The following RAB7A variants were observed in gnomAD, a reference collection of about 807,000 sequenced individuals.
The protein encoded by RAB7A is ras-related protein Rab-7a.
In RAB7A, 2 loss-of-function variants were observed where a neutral mutation model predicts 24.5. The observed-to-expected ratio is 0.08, with a 90% confidence interval of 0.03 to 0.26. The LOEUF (loss-of-function observed/expected upper bound fraction) is 0.26. RAB7A is among the 10% of genes least tolerant of loss of function. RAB7A has a pLI of 1.00. For synonymous variants in RAB7A, 100 were observed against 95.9 expected, an observed-to-expected ratio of 1.04 and a Z score of -0.25; for missense variants, 118 against 255.7, an observed-to-expected ratio of 0.46 and a Z score of 3.67.
intron 1 of RAB7A, among the ~76,000 whole-genome samples, chr3:128,771,526 T>C (rs1024006823): frequency 6.6e-6 from 1 of 152,230 alleles, no homozygotes; most frequent in African/African-American, 2.4e-5. Flanking sequence ...TTATTGGTAA[T>C]GTACCAGGCA....
At chr3:128,733,600 T>A (rs1447265918) in intron 1 of RAB7A, among the ~76,000 whole-genome samples, 1 of 152,176 alleles carries the variant, frequency 6.6e-6, no homozygotes, top group Non-Finnish European at 1.5e-5. Flanking sequence ...CTCTCCTTGG[T>A]TTGTAAATGA....
At chr3:128,774,791 C>G (rs1933039480) in intron 1 of RAB7A, among the ~76,000 whole-genome samples, 1 of 152,142 alleles carries the variant, frequency 6.6e-6, no homozygotes, top group South Asian at 2.1e-4. Flanking sequence ...CCAGGATGGT[C>G]TCGATCTCCT....
At chr3:128,755,255 G>T (rs1290091681) in intron 1 of RAB7A, among the ~76,000 whole-genome samples, 7 of 152,038 alleles carry the variant, frequency 4.6e-5, no homozygotes, top group African/African-American at 1.5e-4. Flanking sequence ...AGAACCAGTG[G>T]TCAAAGGAGA....
intron 1 of RAB7A, among the ~76,000 whole-genome samples, chr3:128,779,936 T>C (rs1448473684): frequency 6.6e-6 from 1 of 152,056 alleles, no homozygotes; most frequent in Non-Finnish European, 1.5e-5. Context: ...CCTAGGGAGT[T>C]TGGGGCTGGG....
intron 1 of RAB7A, among the ~76,000 whole-genome samples, chr3:128,746,386 C>T (rs1435916367): frequency 6.6e-6 from 1 of 152,294 alleles, no homozygotes; most frequent in East Asian, 1.9e-4. Context: ...GATCCTTCTG[C>T]CTCAGCCTCT....
At chr3:128,798,170 T>C (rs878961713) in intron 3 of RAB7A, 101 bp downstream of exon 3, 2 of 1,457,074 alleles carry the variant, frequency 1.4e-6, no homozygotes, top group South Asian at 2.3e-5. Flanking sequence ...CTTCAAATCT[T>C]ATTATCTTAT....
intron 3 of RAB7A, among the ~76,000 whole-genome samples, chr3:128,799,649 C>A (rs1239345298): frequency 2.6e-5 from 4 of 152,176 alleles, no homozygotes; most frequent in Non-Finnish European, 1.5e-5. Context: ...TACACACATA[C>A]ACCTAGAGAT....
intron 5 of RAB7A, among the ~76,000 whole-genome samples, chr3:128,808,033 G>A (rs374659304): frequency 2.0e-5 from 3 of 152,180 alleles, no homozygotes; most frequent in Middle Eastern, 3.4e-3. Context: ...GCTCTGCTGC[G>A]TACCAATCGT....
Position 128,797,935 on chromosome 3 carries a change from A to C in RAB7A, c.54-8A>C. ...TGACTTATACTTATGGTTTTTCTCC[A>C]ATTTCAGAGTCGGGAAGACATCACT... On this transcript the variant is annotated splice_region_variant and splice_polypyrimidine_tract_variant and intron_variant, in intron 2 of 5. Transcript: ENST00000265062. 6.2e-7 allele frequency: 1 copy of C among 1,613,436 alleles called. No individual in the cohort carries two copies. Among genetic ancestry groups the C allele is most frequent in the Non-Finnish European group, 8.5e-7 (1 of 1,179,492 alleles).
At chr3:128,733,476 G>A (rs1211406155) in intron 1 of RAB7A, among the ~76,000 whole-genome samples, 1 of 152,078 alleles carries the variant, frequency 6.6e-6, no homozygotes, top group East Asian at 1.9e-4. Context: ...CATTTGCTAG[G>A]GCTGCCGTAA....
chr3:128,808,285 A>C (rs541565638), intron 5 of RAB7A, among the ~76,000 whole-genome samples: 157 of 152,202 alleles, frequency 1.0e-3, no homozygotes, highest in Admixed American at 2.9e-3. Flanking sequence ...GCTTGAACCC[A>C]GGCGGCAGAG....
At chr3:128,792,502 A>AT in intron 1 of RAB7A, among the ~76,000 whole-genome samples, 1 of 142,752 alleles carries the variant, frequency 7.0e-6, no homozygotes, top group South Asian at 2.3e-4. Context: ...TGCCTCCTGG[A>AT]TTTAATCGAT....
At chr3:128,734,977 A>G (rs1016859883) in intron 1 of RAB7A, among the ~76,000 whole-genome samples, 1 of 152,192 alleles carries the variant, frequency 6.6e-6, no homozygotes, top group African/African-American at 2.4e-5. Flanking sequence ...TTTCAGAGTA[A>G]GTTACCGTTT....
intron 2 of RAB7A, among the ~76,000 whole-genome samples, chr3:128,797,031 G>GCT (rs1300956657): frequency 1.3e-5 from 2 of 152,106 alleles, no homozygotes; most frequent in Non-Finnish European, 2.9e-5. Context: ...CTAGATTTGT[G>GCT]CTCTCTCTCC....
rs188254206 is a variant in RAB7A at position 128,746,508 on chromosome 3, T to A, written c.-9+20149T>A. 3.9e-4 allele frequency among the ~76,000 whole-genome samples: 59 copies of A among 151,988 alleles called. 1 individual carries two copies. The highest frequency in any genetic ancestry group is 9.8e-4 in the Admixed American group (15 of 15,282). On this transcript the variant is annotated intron_variant, in intron 1 of 5. Coordinates refer to ENST00000265062, the MANE Select transcript of RAB7A (RefSeq NM_004637.6). ...TGGGGTTCAACATTTTTATTTATTT[T>A]TTTTATTTTTTTATTTTTTATTTTT... is the stretch of plus-strand genomic sequence containing the variant.
chr3:128,767,039 G>A (rs2070838698), intron 1 of RAB7A, among the ~76,000 whole-genome samples: 1 of 152,000 alleles, frequency 6.6e-6, no homozygotes, highest in Non-Finnish European at 1.5e-5. Context: ...CATCACTGGG[G>A]TCTGATTTGC....
In RAB7A at chr3:128,814,599, A is replaced by G. The variant is rs144914469; in HGVS notation, c.*1177A>G. On this transcript the variant is annotated 3_prime_UTR_variant, in exon 6 of 6. Coordinates refer to ENST00000265062, the MANE Select transcript of RAB7A (RefSeq NM_004637.6). The stretch of plus-strand genomic sequence containing the variant: ...CCTCTTTTCCCCACCCATCTCCCCA[A>G]TATTGCCCATTATTAATTAACCTCT... 2.0e-5 allele frequency: 3 copies of G among 152,624 alleles called. No homozygotes were observed. The highest frequency in any genetic ancestry group is 4.8e-5 in the African/African-American group (2 of 41,532). 9.5% of individuals were successfully genotyped at this position (152,624 alleles called of 1,614,324 possible).
chr3:128,757,956 G>C (rs139142268), intron 1 of RAB7A, among the ~76,000 whole-genome samples: 1 of 151,822 alleles, frequency 6.6e-6, no homozygotes, highest in Non-Finnish European at 1.5e-5. Context: ...ACTGCGCCCA[G>C]CCTATTTTAT....
In RAB7A at chr3:128,813,377, C is replaced by G; in HGVS notation, c.579C>G (p.Asp193Glu). The change falls in exon 6 of 6, where the codon GAC becomes GAG. Residue 193 changes from aspartate (D) to glutamate (E), a missense_variant. Coordinates refer to ENST00000265062, the MANE Select transcript of RAB7A (RefSeq NM_004637.6). ...AATTTCCTGAACCTATCAAACTGGA[C>G]AAGAATGACCGGGCCAAGGCCTCGG... is the stretch of plus-strand genomic sequence containing the variant. ...YNEFPEPIKL[D>E]KNDRAKASAE... 1 of 1,614,202 alleles carries G rather than the reference C, an allele frequency of 6.2e-7. No homozygotes were observed. Among genetic ancestry groups the G allele is most frequent in the South Asian group, 1.1e-5 (1 of 91,090 alleles).
Sources: allele counts gnomAD v4.1 joint callset (sites outside exome capture counted in the v4.1 genomes callset), GRCh38; gene constraint gnomAD v4.1.1; transcripts MANE v1.5; gene names NCBI Gene and HGNC (gene_info 2026-07-23, HGNC 2026-07-21).